Variants in GULP1 observed in about 807,000 individuals in gnomAD.
GULP1 encodes GULP PTB domain containing engulfment adaptor 1.
Under a neutral mutation model 40.9 loss-of-function variants are expected in GULP1, and 19 were observed. That is an observed-to-expected ratio of 0.46 (90% CI 0.32 to 0.68). GULP1 has a LOEUF of 0.68. GULP1 is among the 30% of genes least tolerant of loss of function. The probability of loss-of-function intolerance (pLI) is 0.03; values close to 1 mark genes in which losing one functional copy is unlikely to be tolerated. For synonymous variants in GULP1, 119 were observed against 117.6 expected (o/e 1.01, Z -0.08); for missense variants, 312 against 362.2 (o/e 0.86, Z 1.12).
At chr2:188,482,336 A>T (rs955872821) in intron 3 of GULP1, among the ~76,000 whole-genome samples, 13 of 152,070 alleles carry the variant, frequency 8.5e-5, no homozygotes, top group Non-Finnish European at 1.6e-4. Context: ...AACAGCATTT[A>T]AAAAAATCCA....
intron 1 of GULP1, among the ~76,000 whole-genome samples, chr2:188,363,637 G>T (rs191496425): frequency 1.3e-5 from 2 of 152,086 alleles, no homozygotes; most frequent in Non-Finnish European, 2.9e-5. Context: ...GAATGAAGAC[G>T]AAGGTATACA....
chr2:188,417,842 G>A (rs949287243), intron 2 of GULP1, among the ~76,000 whole-genome samples: 1 of 152,088 alleles, frequency 6.6e-6, no homozygotes, highest in Non-Finnish European at 1.5e-5. Flanking sequence ...CTAGGCTAAA[G>A]TGCAGTGGCA....
intron 2 of GULP1, among the ~76,000 whole-genome samples, chr2:188,404,102 T>C (rs181752391): frequency 4.6e-5 from 7 of 152,214 alleles, no homozygotes; most frequent in Admixed American, 4.6e-4. Flanking sequence ...CAGAGGAATC[T>C]AAGAATCTAA....
At chr2:188,492,960 G>T (rs2062547707) in intron 4 of GULP1, among the ~76,000 whole-genome samples, 1 of 151,982 alleles carries the variant, frequency 6.6e-6, no homozygotes. Context: ...GTCCACCCCA[G>T]TTTTTGTTTC....
intron 7 of GULP1, among the ~76,000 whole-genome samples, chr2:188,561,532 C>A (rs535956061): frequency 6.6e-6 from 1 of 152,002 alleles, no homozygotes; most frequent in Non-Finnish European, 1.5e-5. Flanking sequence ...CTCAAGTGCC[C>A]AATGTGGTGG....
At chr2:188,484,027 G>A (rs937025886) in intron 4 of GULP1, among the ~76,000 whole-genome samples, 1 of 152,014 alleles carries the variant, frequency 6.6e-6, no homozygotes, top group Non-Finnish European at 1.5e-5. Flanking sequence ...GGGTTCAAGT[G>A]ATTCTCCCAC....
chr2:188,473,458 C>CTGT (rs2060758844), intron 2 of GULP1, among the ~76,000 whole-genome samples: 1 of 152,184 alleles, frequency 6.6e-6, no homozygotes, highest in Non-Finnish European at 1.5e-5. Context: ...TTCTGGTGTT[C>CTGT]TATTGTACTG....
chr2:188,585,716 G>A (rs796535604), intron 10 of GULP1, among the ~76,000 whole-genome samples: 6 of 152,178 alleles, frequency 3.9e-5, no homozygotes, highest in African/African-American at 7.2e-5. Flanking sequence ...CTTGGCCCAC[G>A]AAACCATTTT....
At chr2:188,480,397 T>C (rs2061353943) in intron 3 of GULP1, among the ~76,000 whole-genome samples, 1 of 151,974 alleles carries the variant, frequency 6.6e-6, no homozygotes, top group Non-Finnish European at 1.5e-5. Context: ...TCTTACTAAA[T>C]GATCCAGGAC....
chr2:188,403,225 C>G (rs2052564006), intron 2 of GULP1, among the ~76,000 whole-genome samples: 1 of 152,122 alleles, frequency 6.6e-6, no homozygotes, highest in Non-Finnish European at 1.5e-5. Flanking sequence ...CTTAACTCCT[C>G]TCTCCTAATA....
intron 1 of GULP1, among the ~76,000 whole-genome samples, chr2:188,330,484 T>C (rs906103699): frequency 6.6e-6 from 1 of 152,182 alleles, no homozygotes; most frequent in African/African-American, 2.4e-5. Flanking sequence ...ATAAGGAGTG[T>C]TATTGCAGCT....
chr2:188,460,346 A>G (rs975180884), intron 2 of GULP1, among the ~76,000 whole-genome samples: 2 of 150,362 alleles, frequency 1.3e-5, no homozygotes, highest in African/African-American at 4.9e-5. Context: ...AGTTTTAATT[A>G]TAGGGATCTT....
intron 2 of GULP1, among the ~76,000 whole-genome samples, chr2:188,404,101 C>A (rs1298176502): frequency 6.6e-6 from 1 of 151,998 alleles, no homozygotes; most frequent in African/African-American, 2.4e-5. Flanking sequence ...GCAGAGGAAT[C>A]TAAGAATCTA....
At chr2:188,385,560 T>A (rs549481614) in intron 2 of GULP1, among the ~76,000 whole-genome samples, 1 of 152,358 alleles carries the variant, frequency 6.6e-6, no homozygotes, top group South Asian at 2.1e-4. Flanking sequence ...CTTGAATTTC[T>A]CCTCAGAAAA....
intron 1 of GULP1, among the ~76,000 whole-genome samples, chr2:188,368,189 G>GA (rs1161137932): frequency 1.3e-5 from 2 of 152,074 alleles, no homozygotes; most frequent in African/African-American, 4.8e-5. Flanking sequence ...GAATAATCTA[G>GA]AAAAAAGGTC....
Position 188,541,331 on chromosome 2 carries a change from G to A in GULP1, c.399+13G>A. 1 of 1,610,192 alleles carries A rather than the reference G, an allele frequency of 6.2e-7. No individual in the cohort carries two copies. Among genetic ancestry groups the A allele is most frequent in the South Asian group, 1.1e-5 (1 of 90,992 alleles). ...CAGCGAAAAGTGTGTAAGTATCCCA[G>A]ATGTTGTAGGGTGGTTTGTTCTGTT... On this transcript the variant is annotated intron_variant, in intron 7 of 11. Coordinates refer to ENST00000409830, the MANE Select transcript of GULP1 (RefSeq NM_016315.4).
intron 6 of GULP1, among the ~76,000 whole-genome samples, chr2:188,535,444 T>C (rs535720006): frequency 6.6e-6 from 1 of 152,240 alleles, no homozygotes; most frequent in South Asian, 2.1e-4. Flanking sequence ...GCAGTATTTG[T>C]TTTTCTGTTT....
intron 2 of GULP1, among the ~76,000 whole-genome samples, chr2:188,465,963 G>A (rs993984372): frequency 6.7e-6 from 1 of 150,186 alleles, no homozygotes; most frequent in African/African-American, 2.5e-5. Context: ...AGGTGTGTGT[G>A]TGTGTATATG....
intron 11 of GULP1, chr2:188,591,795 T>C (rs1240523756): frequency 6.6e-6 from 1 of 151,836 alleles, no homozygotes. Flanking sequence ...GATTTTTCTT[T>C]CCTTGATATG....
Sources: allele counts gnomAD v4.1 joint callset (sites outside exome capture counted in the v4.1 genomes callset), GRCh38; gene constraint gnomAD v4.1.1; transcripts MANE v1.5; gene names NCBI Gene and HGNC (gene_info 2026-07-23, HGNC 2026-07-21).